Variants in LDLRAD4 observed in about 807,000 individuals in gnomAD.
The protein encoded by LDLRAD4 is low density lipoprotein receptor class A domain containing 4.
A neutral mutation model predicts 17.0 loss-of-function variants in LDLRAD4; 5 were observed. The ratio of observed to expected loss-of-function variants is 0.29; its 90% CI spans 0.15 to 0.62. The LOEUF is 0.62. Ranked by LOEUF, LDLRAD4 falls within the 20% of genes least tolerant of loss-of-function variation. LDLRAD4 has a pLI of 0.84. For missense variants in LDLRAD4, 340 were observed against 424.7 expected (o/e 0.80, Z 1.75); for synonymous variants, 168 against 171.8 (o/e 0.98, Z 0.17).
chr18:13,274,686 A>G (rs1366886929), upstream of LDLRAD4, among the ~76,000 whole-genome samples: 1 of 151,722 alleles, frequency 6.6e-6, no homozygotes, highest in Non-Finnish European at 1.5e-5. Flanking sequence ...TTTCTTTTGT[A>G]CTCTTTTAAG....
At chr18:13,404,797 CAAA>C (rs751734866) in intron 2 of LDLRAD4, among the ~76,000 whole-genome samples, 1 of 117,470 alleles carries the variant, frequency 8.5e-6, no homozygotes, top group Non-Finnish European at 1.8e-5. Context: ...AACTCCGTCT[CAAA>C]AAAAAAAAAA....
chr18:13,237,295 C>T (rs1468856166), intron 1 of LDLRAD4, among the ~76,000 whole-genome samples: 1 of 152,212 alleles, frequency 6.6e-6, no homozygotes, highest in Non-Finnish European at 1.5e-5. Context: ...CACCCCACGT[C>T]CTGGGCACTG....
exon 6 of LDLRAD4, chr18:13,650,551 C>T: frequency 2.5e-6 from 1 of 395,838 alleles, no homozygotes; most frequent in Non-Finnish European, 4.4e-6. Context: ...AAGCCGCCCC[C>T]TCCTGCACTT....
chr18:13,441,026 G>A (rs576904032), intron 3 of LDLRAD4, among the ~76,000 whole-genome samples: 7 of 152,340 alleles, frequency 4.6e-5, no homozygotes, highest in Admixed American at 6.5e-5. Flanking sequence ...CGCTCACGGC[G>A]CGGGTTGCCT....
chr18:13,626,238 C>T (rs2041157445), intron 4 of LDLRAD4, among the ~76,000 whole-genome samples: 1 of 152,176 alleles, frequency 6.6e-6, no homozygotes, highest in African/African-American at 2.4e-5. Flanking sequence ...GACTTCTGAG[C>T]ATTGAGACTG....
At chr18:13,430,351 G>A (rs1377610430) in intron 2 of LDLRAD4, among the ~76,000 whole-genome samples, 1 of 152,188 alleles carries the variant, frequency 6.6e-6, no homozygotes, top group African/African-American at 2.4e-5. Flanking sequence ...TCACGAGAAG[G>A]TTATGCGAGG....
chr18:13,298,800 T>A (rs2046421543), intron 1 of LDLRAD4, among the ~76,000 whole-genome samples: 1 of 152,208 alleles, frequency 6.6e-6, no homozygotes, highest in Non-Finnish European at 1.5e-5. Context: ...TTGAAGTCCA[T>A]CCTGCCTGAA....
intron 3 of LDLRAD4, among the ~76,000 whole-genome samples, chr18:13,549,744 G>A (rs774806948): frequency 7.9e-5 from 12 of 151,904 alleles, no homozygotes; most frequent in Non-Finnish European, 1.3e-4. Context: ...TATGCAGCTG[G>A]GGCAGCCTTA....
chr18:13,285,801 C>T (rs1001898279), intron 1 of LDLRAD4, among the ~76,000 whole-genome samples: 1 of 152,132 alleles, frequency 6.6e-6, no homozygotes, highest in Non-Finnish European at 1.5e-5. Flanking sequence ...GCCAGTCCTT[C>T]AACTCAGCTT....
chr18:13,263,703 T>C (rs769525093), intron 1 of LDLRAD4, among the ~76,000 whole-genome samples: 6 of 152,180 alleles, frequency 3.9e-5, no homozygotes, highest in African/African-American at 7.2e-5. Flanking sequence ...TGGGTTCTTA[T>C]AAAGATGGAA....
chr18:13,220,134 C>T (rs1170174715), intron 1 of LDLRAD4, among the ~76,000 whole-genome samples: 1 of 152,204 alleles, frequency 6.6e-6, no homozygotes, highest in Non-Finnish European at 1.5e-5. Flanking sequence ...CTTTTTAAAA[C>T]AGGGGGCTAA....
intron 1 of LDLRAD4, among the ~76,000 whole-genome samples, chr18:13,357,998 G>A (rs1301195500): frequency 1.3e-5 from 2 of 152,072 alleles, no homozygotes; most frequent in African/African-American, 2.4e-5. Context: ...TTTTCTGGTT[G>A]TTTCCTGAGT....
chr18:13,617,418 A>T (rs140362209), intron 3 of LDLRAD4, among the ~76,000 whole-genome samples: 74 of 152,368 alleles, frequency 4.9e-4, no homozygotes, highest in Middle Eastern at 3.4e-3. Flanking sequence ...AAGATCTAAC[A>T]TAAAATTCAA....
At chr18:13,555,228 G>A (rs1256192357) in intron 3 of LDLRAD4, among the ~76,000 whole-genome samples, 1 of 152,112 alleles carries the variant, frequency 6.6e-6, no homozygotes, top group Non-Finnish European at 1.5e-5. Flanking sequence ...AGGTGAAAAC[G>A]CAGAAAATAG....
chr18:13,643,503 G>C, intron 5 of LDLRAD4, 91 bp downstream of exon 6: 1 of 691,556 alleles, frequency 1.4e-6, no homozygotes, highest in Non-Finnish European at 2.1e-6. Context: ...GGTGGAAGGG[G>C]AGGGGCCTCA....
chr18:13,436,869 G>A (rs2090695014), intron 2 of LDLRAD4, among the ~76,000 whole-genome samples: 1 of 152,238 alleles, frequency 6.6e-6, no homozygotes, highest in African/African-American at 2.4e-5. Context: ...AACTAGGTCA[G>A]CAGCTCGGCT....
At chr18:13,341,119 T>G (rs1156847571) in intron 1 of LDLRAD4, among the ~76,000 whole-genome samples, 1 of 152,184 alleles carries the variant, frequency 6.6e-6, no homozygotes, top group African/African-American at 2.4e-5. Flanking sequence ...CTGTCTTGAT[T>G]ATTGCAGCTT....
chr18:13,394,937 C>T (rs1418030141), intron 2 of LDLRAD4, among the ~76,000 whole-genome samples: 2 of 152,212 alleles, frequency 1.3e-5, no homozygotes, highest in Non-Finnish European at 2.9e-5. Context: ...CTTGTAGTTT[C>T]TTGGGTCCTA....
At chr18:13,218,622 C>G (rs1291621536), upstream of LDLRAD4, 6 of 152,196 alleles carry the variant, frequency 3.9e-5, no homozygotes, top group Non-Finnish European at 8.8e-5. Flanking sequence ...GCCCCTCAGT[C>G]CCGCATCCTG....
Sources: gnomAD v4.1 joint callset for allele counts (sites outside exome capture counted in the v4.1 genomes callset) on GRCh38, gnomAD v4.1.1 for gene constraint, MANE v1.5 for transcripts, NCBI Gene and HGNC (gene_info 2026-07-23, HGNC 2026-07-21) for gene names.